The following ZNF644 variants were observed in gnomAD, a reference collection of about 807,000 sequenced individuals.
The protein encoded by ZNF644 is zinc finger motif enhancer binding protein 2.
Under a neutral mutation model 108.0 loss-of-function variants are expected in ZNF644, and 20 were observed. The ratio of observed to expected loss-of-function variants is 0.19; its 90% CI spans 0.13 to 0.27. The LOEUF is 0.27. Among genes scored for constraint, ZNF644 ranks in the 10% least tolerant of loss-of-function variants. The probability of loss-of-function intolerance (pLI) is 1.00; values close to 1 mark genes in which losing one functional copy is unlikely to be tolerated. For missense variants in ZNF644, 1,338 were observed against 1,548.9 expected (o/e 0.86, Z 2.29); for synonymous variants, 542 against 539.1 (o/e 1.01, Z -0.08).
chr1:91,019,856 T>C (rs1290469192), intron 1 of ZNF644, among the ~76,000 whole-genome samples: 2 of 152,232 alleles, frequency 1.3e-5, no homozygotes, highest in African/African-American at 2.4e-5. Flanking sequence ...TGAGCCACCG[T>C]GCCAGGCCAA....
chr1:90,946,768 G>A (rs970333132), intron 2 of ZNF644, among the ~76,000 whole-genome samples: 2 of 151,316 alleles, frequency 1.3e-5, no homozygotes, highest in Non-Finnish European at 2.9e-5. Context: ...AAACAAAAAA[G>A]GCACTGAGTT....
In ZNF644 at chr1:90,915,484, T is replaced by C. The variant is rs927522500; in HGVS notation, c.*1314A>G. 1.3e-5 allele frequency: 2 copies of C among 152,598 alleles called. No homozygotes were observed. The highest frequency in any genetic ancestry group is 2.4e-5 in the African/African-American group (1 of 41,452). The allele number at this position is 152,598 out of a possible 1,614,324, so 9.5% of individuals were successfully genotyped here. A position where few individuals can be genotyped will look rare whatever the true frequency, so the allele number is the denominator to read the frequency against. Reference sequence around the variant, plus strand: ...ATGCATATCCTTGGTTCAACTATAGTATTAGCCATACTACATGAAATAAAA... The same window carrying C: ...ATGCATATCCTTGGTTCAACTATAGCATTAGCCATACTACATGAAATAAAA... On this transcript the variant is annotated 3_prime_UTR_variant, in exon 6 of 6. Coordinates refer to ENST00000337393, the MANE Select transcript of ZNF644 (RefSeq NM_201269.3).
At chr1:90,998,840 G>A (rs926183149) in intron 1 of ZNF644, among the ~76,000 whole-genome samples, 4 of 152,186 alleles carry the variant, frequency 2.6e-5, no homozygotes, top group African/African-American at 9.7e-5. Context: ...AACCAGTGTA[G>A]AGAAGTCCTT....
At chr1:90,983,257 G>C (rs951616817) in intron 1 of ZNF644, among the ~76,000 whole-genome samples, 12 of 151,986 alleles carry the variant, frequency 7.9e-5, no homozygotes, top group Admixed American at 6.6e-4. Flanking sequence ...AGAATTTTCT[G>C]CATCGTATCT....
At chr1:90,921,959 A>G (rs1474366690) in intron 4 of ZNF644, among the ~76,000 whole-genome samples, 1 of 152,250 alleles carries the variant, frequency 6.6e-6, no homozygotes, top group East Asian at 1.9e-4. Flanking sequence ...TAAAAATTCA[A>G]GTCTGTTTTC....
chr1:90,960,865 A>G (rs547299234), intron 2 of ZNF644, among the ~76,000 whole-genome samples: 1 of 152,268 alleles, frequency 6.6e-6, no homozygotes, highest in African/African-American at 2.4e-5. Flanking sequence ...GAAGGCAGAG[A>G]AAACAAAGGA....
At chr1:90,971,686 G>A (rs909317770) in intron 2 of ZNF644, among the ~76,000 whole-genome samples, 4 of 151,986 alleles carry the variant, frequency 2.6e-5, no homozygotes, top group Non-Finnish European at 4.4e-5. Context: ...CAAAGTGCTG[G>A]GATTACAGGT....
intron 2 of ZNF644, among the ~76,000 whole-genome samples, chr1:90,975,442 T>C (rs1177462591): frequency 2.0e-5 from 3 of 150,262 alleles, no homozygotes. Context: ...TCTACTTTTT[T>C]TTTTTTTTTT....
intron 2 of ZNF644, among the ~76,000 whole-genome samples, chr1:90,950,797 G>C (rs1365615021): frequency 1.3e-5 from 2 of 152,144 alleles, no homozygotes; most frequent in Non-Finnish European, 2.9e-5. Flanking sequence ...AGTACAGACA[G>C]ACTTCTCAAA....
At chr1:90,917,073 A>T in intron 5 of ZNF644, 83 bp from the exon 6 acceptor site, 2 of 1,385,032 alleles carry the variant, frequency 1.4e-6, no homozygotes, top group Non-Finnish European at 2.0e-6. Context: ...AACATAAGGA[A>T]TAAACTTTAT....
chr1:90,937,671 A>G lies in ZNF644; in HGVS notation c.3502T>C (p.Ser1168Pro). 6.2e-7 allele frequency: 1 copy of G among 1,613,892 alleles called. No homozygotes were observed. The highest frequency in any genetic ancestry group is 8.5e-7 in the Non-Finnish European group (1 of 1,179,890). ...PELPSGKKNQ[S>P]LTLIELLKNK... The stretch of plus-strand genomic sequence containing the variant: ...TTAAGAAGTTCTATGAGTGTAAGAG[A>G]CTGATTCTTTTTCCCACTGGGCAGT... The change falls in exon 4 of 6, where the codon TCT (serine) becomes CCT (proline). Residue 1168 changes from serine to proline, a missense_variant. Ser to Pro is a moderately conservative substitution (Grantham distance 74). Around this residue, in one of 6 missense-constraint regions of ZNF644, gnomAD observed 287 missense variants for 310.9 expected, o/e 0.92. Transcript: ENST00000337393.
intron 2 of ZNF644, among the ~76,000 whole-genome samples, chr1:90,954,161 A>T (rs989574593): frequency 6.6e-6 from 1 of 152,152 alleles, no homozygotes; most frequent in Non-Finnish European, 1.5e-5. Flanking sequence ...TGTAACGTGC[A>T]ATGATGTTGA....
chr1:90,925,651 TA>T (rs1401141971), intron 4 of ZNF644, among the ~76,000 whole-genome samples: 1 of 143,000 alleles, frequency 7.0e-6, no homozygotes, highest in African/African-American at 2.6e-5. Context: ...ATTAAACCAA[TA>T]GTAATGCTAG....
At chr1:90,957,761 A>T (rs1557597805) in intron 2 of ZNF644, among the ~76,000 whole-genome samples, 1 of 152,212 alleles carries the variant, frequency 6.6e-6, no homozygotes, top group Non-Finnish European at 1.5e-5. Context: ...CACTGTACTA[A>T]AAGTCAGTCA....
At chr1:90,947,965 T>C (rs1470003681) in intron 2 of ZNF644, among the ~76,000 whole-genome samples, 2 of 152,192 alleles carry the variant, frequency 1.3e-5, no homozygotes, top group African/African-American at 4.8e-5. Context: ...ATTGAATCAT[T>C]GTCATTGTAA....
chr1:90,963,562 ACC>A (rs1209911467), intron 2 of ZNF644, among the ~76,000 whole-genome samples: 17 of 152,226 alleles, frequency 1.1e-4, no homozygotes, highest in African/African-American at 4.1e-4. Flanking sequence ...TTCAGCCCAA[ACC>A]TCCTACAGTA....
rs1394477993 is a variant in ZNF644 at position 90,948,485 on chromosome 1, A to G, written c.45-7176T>C. 2.6e-5 allele frequency among the ~76,000 whole-genome samples: 4 copies of G among 152,354 alleles called. No individual in the cohort carries two copies. In the East Asian group the frequency reaches 5.8e-4, roughly 22 times the overall value. Reference sequence around the variant, plus strand: ...AAACTACTGTCATCCCTCAGTATCCATGGCTGATTGGTTCTAAAAACCTGG... The same window carrying G: ...AAACTACTGTCATCCCTCAGTATCCGTGGCTGATTGGTTCTAAAAACCTGG... On this transcript the variant is annotated intron_variant, in intron 2 of 5. Coordinates refer to ENST00000337393, the MANE Select transcript of ZNF644 (RefSeq NM_201269.3).
chr1:90,998,059 TG>T (rs1557646576), intron 1 of ZNF644, among the ~76,000 whole-genome samples: 1 of 152,104 alleles, frequency 6.6e-6, no homozygotes, highest in African/African-American at 2.4e-5. Flanking sequence ...AAGCTCGAAC[TG>T]GGGGGAGCCC....
At chr1:90,953,074 T>C (rs768779363) in intron 2 of ZNF644, among the ~76,000 whole-genome samples, 1 of 149,476 alleles carries the variant, frequency 6.7e-6, no homozygotes, top group Admixed American at 6.6e-5. Context: ...TATCAGACTA[T>C]CTGATGTTCT....
Sources: allele counts gnomAD v4.1 joint callset (sites outside exome capture counted in the v4.1 genomes callset), GRCh38; gene constraint gnomAD v4.1.1; regional missense constraint gnomAD v4.1.1; transcripts MANE v1.5; gene names NCBI Gene and HGNC (gene_info 2026-07-23, HGNC 2026-07-21).